NTMT1: variants seen among roughly 807,000 people sequenced by gnomAD.
NTMT1 encodes the protein N-terminal RCC1 methyltransferase.
Under a neutral mutation model 17.5 loss-of-function variants are expected in NTMT1, and 8 were observed. The ratio of observed to expected loss-of-function variants is 0.46; its 90% CI spans 0.27 to 0.82. The LOEUF (loss-of-function observed/expected upper bound fraction) is 0.82, where lower values mean the gene tolerates loss of function less well. Ranked by LOEUF, NTMT1 falls within the 40% of genes least tolerant of loss-of-function variation. NTMT1 has a pLI of 0.15. For missense variants in NTMT1, 221 were observed against 303.5 expected (o/e 0.73, Z 2.02); for synonymous variants, 128 against 126.8 (o/e 1.01, Z -0.06).
chr9:129,610,219 GGGGAAAGGGGGAGGGAGA>G (rs1830079744), intron 1 of NTMT1, among the ~76,000 whole-genome samples: 4 of 45,960 alleles, frequency 8.7e-5, no homozygotes, highest in South Asian at 6.8e-4. Flanking sequence ...GGGAGGGGGA[GGGGAAAGGGGGAGGGAGA>G]GGGGAAAGGG....
rs369018409 is a variant in NTMT1, at chr9:129,632,721, A to G, written c.18A>G (p.Ile6Met). The G allele has an allele frequency of 6.2e-7, 1 of 1,613,952 alleles. No individual in the cohort carries two copies. Among genetic ancestry groups the G allele is most frequent in the African/African-American group, 1.3e-5 (1 of 74,930 alleles). Reference sequence around the variant, plus strand: ...GTGACAGCATGACGAGCGAGGTGATAGAAGACGAGAAGCAATTCTATTCCA... The same window carrying G: ...GTGACAGCATGACGAGCGAGGTGATGGAAGACGAGAAGCAATTCTATTCCA... MTSEV[I>M]EDEKQFYSKA... Residue 6 changes from isoleucine (I) to methionine (M), a missense_variant, in exon 2 of 4, where the codon ATA becomes ATG. Ile to Met is a conservative substitution (Grantham distance 10). Coordinates refer to ENST00000372483, the MANE Select transcript of NTMT1 (RefSeq NM_014064.4).
In NTMT1 at chr9:129,634,162, G is replaced by A. The variant is rs376823712; in HGVS notation, c.271G>A (p.Asp91Asn). 5.6e-6 allele frequency: 9 copies of A among 1,614,170 alleles called. No homozygotes were observed. Among genetic ancestry groups the A allele is most frequent in the Non-Finnish European group, 7.6e-6 (9 of 1,180,022 alleles). Residue 91 changes from aspartate to asparagine, a missense_variant, in exon 3 of 4, where the codon GAC (aspartate) becomes AAC (asparagine). Coordinates refer to ENST00000372483, the MANE Select transcript of NTMT1 (RefSeq NM_014064.4). ...LPLFREVDMV[D>N]ITEDFLVQAK... ...GCTGTTCAGAGAGGTGGATATGGTC[G>A]ACATAACGGAGGACTTCCTGGTTCA...
chr9:129,619,836 G>A (rs765571905), intron 1 of NTMT1: 17 of 1,613,976 alleles, frequency 1.1e-5, no homozygotes, highest in Non-Finnish European at 1.4e-5. Flanking sequence ...GGATGCTGGA[G>A]CCAGGAGGAA....
chr9:129,612,457 A>C, intron 1 of NTMT1: 1 of 1,609,354 alleles, frequency 6.2e-7, no homozygotes, highest in Non-Finnish European at 8.5e-7. Context: ...AGGGACTCCT[A>C]GAGTGAGACA....
Position 129,635,455 on chromosome 9 carries a change from CCT to C in NTMT1, c.664_665del (p.Leu222GlufsTer70). The C allele has an allele frequency of 1.2e-6, 2 of 1,608,616 alleles. No individual in the cohort carries two copies. Among genetic ancestry groups the C allele is most frequent in the Non-Finnish European group, 1.7e-6 (2 of 1,176,280 alleles). ...AGATCTACCATGTCTATAGCTTTGC[CCT>C]GAGATGAGCCGGGGCTGGCAGGAGA... ...DEIYHVYSFA[L>X]R is the part of the protein sequence containing the mutation. On this transcript the variant is annotated frameshift_variant, in exon 4 of 4. Coordinates refer to ENST00000372483, the MANE Select transcript of NTMT1 (RefSeq NM_014064.4). LOFTEE classifies it high-confidence loss of function.
upstream of NTMT1, among the ~76,000 whole-genome samples, chr9:129,622,424 C>T (rs1225733223): frequency 2.0e-5 from 3 of 152,120 alleles, no homozygotes; most frequent in East Asian, 1.9e-4. Flanking sequence ...CCCTGGGAGG[C>T]GGAGGTTGCA....
At chr9:129,621,724 C>T (rs1358484331), upstream of NTMT1, among the ~76,000 whole-genome samples, 2 of 152,086 alleles carry the variant, frequency 1.3e-5, no homozygotes, top group East Asian at 3.9e-4. Flanking sequence ...AGTCTTACTC[C>T]CAGCTCTGAC....
intron 1 of NTMT1, chr9:129,619,384 G>T: frequency 7.2e-6 from 5 of 694,128 alleles, no homozygotes; most frequent in Non-Finnish European, 1.2e-5. Flanking sequence ...CTGATTCACG[G>T]ACAGCCATAT....
At chr9:129,633,009 G>A in intron 2 of NTMT1, 144 bp downstream of exon 2, 1 of 865,230 alleles carries the variant, frequency 1.2e-6, no homozygotes. Flanking sequence ...TTGAGGAGCT[G>A]GGCTGGGTGG....
intron 3 of NTMT1, 164 bp from the exon 4 acceptor site, chr9:129,635,044 T>C (rs1831448703): frequency 6.6e-6 from 5 of 762,332 alleles, no homozygotes; most frequent in Admixed American, 2.6e-5. Context: ...ATTCTATGAA[T>C]TGGGGTTTAG....
chr9:129,629,423 C>T (rs929093082), intron 1 of NTMT1, among the ~76,000 whole-genome samples: 2 of 151,920 alleles, frequency 1.3e-5, no homozygotes, highest in African/African-American at 4.8e-5. Context: ...CAATGTCTCA[C>T]TCTGTTGCCC....
At chr9:129,621,078 A>G (rs1830686192) in intron 1 of NTMT1, among the ~76,000 whole-genome samples, 1 of 152,266 alleles carries the variant, frequency 6.6e-6, no homozygotes, top group South Asian at 2.1e-4. Flanking sequence ...GTGAAACGGC[A>G]TCACCGCATC....
chr9:129,614,921 G>GAAAAA lies in NTMT1; in HGVS notation c.-55+5747_-55+5748insAAAAA, dbSNP rs1370787982. Reference sequence around the variant, plus strand: ...CGTATCAGAAAAAAAAAAAGAAAAAGAAAACTCACTGGGAACTGCAAAACA... The same window carrying GAAAAA: ...CGTATCAGAAAAAAAAAAAGAAAAAGAAAAAAAAACTCACTGGGAACTGCAAAACA... On this transcript the variant is annotated intron_variant, in intron 1 of 3. Coordinates refer to the NTMT1 transcript ENST00000372486. The surrounding 1 kb of genome is among the most constrained non-coding windows in gnomAD (Gnocchi z 4.4). 1.9e-4 allele frequency among the ~76,000 whole-genome samples: 29 copies of GAAAAA among 151,852 alleles called. No individual in the cohort carries two copies. Among genetic ancestry groups the GAAAAA allele is most frequent in the Admixed American group, 1.8e-3 (27 of 15,226 alleles).
At chr9:129,615,684 C>G in intron 1 of NTMT1, 1 of 1,490,792 alleles carries the variant, frequency 6.7e-7, no homozygotes, top group South Asian at 1.3e-5. Context: ...TCGAAGCCCC[C>G]CACCGTACCC....
Position 129,620,014 on chromosome 9 carries a change from A to T in NTMT1, c.-55+10836A>T. The T allele has an allele frequency of 6.9e-7, 1 of 1,448,668 alleles. No homozygotes were observed. The highest frequency in any genetic ancestry group is 9.1e-7 in the Non-Finnish European group (1 of 1,093,854). 89.7% of individuals were successfully genotyped at this position (1,448,668 alleles called of 1,614,324 possible). A position where few individuals can be genotyped will look rare whatever the true frequency, so the allele number is the denominator to read the frequency against. On this transcript the variant is annotated intron_variant, in intron 1 of 3. Transcript: ENST00000372486. This position sits in a 1 kb window ranked among gnomAD's most constrained non-coding sequence, Gnocchi z 5.8. ...GGTGGGTGCGGGGACACAAGGGACC[A>T]CCCCCCACCGGAAATGACTCGGGCC...
At chr9:129,609,000 G>A (rs1051076792) in exon 1 of NTMT1, 1 of 152,386 alleles carries the variant, frequency 6.6e-6, no homozygotes, top group Admixed American at 6.5e-5. Flanking sequence ...CCAACACCTG[G>A]TCACTGTGTG....
chr9:129,617,607 C>A (rs1441918833), intron 1 of NTMT1, among the ~76,000 whole-genome samples: 1 of 152,212 alleles, frequency 6.6e-6, no homozygotes, highest in Non-Finnish European at 1.5e-5. Context: ...TTATTTGTAT[C>A]TTGTGAGAAG....
chr9:129,620,511 C>G lies in NTMT1; in HGVS notation c.-55+11333C>G, dbSNP rs56148509. ...GGGTCGCTGCTGCGTCGGAAGTCTCCGTCGCCAGGGAGCCCCTTGGGCGCC... is the reference window on the plus strand; with the variant it reads ...GGGTCGCTGCTGCGTCGGAAGTCTCGGTCGCCAGGGAGCCCCTTGGGCGCC... On this transcript the variant is annotated intron_variant, in intron 1 of 3. Transcript: ENST00000372486. This position sits in a 1 kb window ranked among gnomAD's most constrained non-coding sequence, Gnocchi z 5.8. The G allele has an allele frequency of 3.5e-6, 5 of 1,438,594 alleles. No homozygotes were observed. The highest frequency in any genetic ancestry group is 4.6e-6 in the Non-Finnish European group (5 of 1,094,092). The allele number at this position is 1,438,594 out of a possible 1,614,324, so 89.1% of individuals were successfully genotyped here.
In NTMT1 at chr9:129,614,672, G is replaced by T. The variant is rs1588112108; in HGVS notation, c.-55+5494G>T. On this transcript the variant is annotated intron_variant, in intron 1 of 3. Transcript: ENST00000372486. This position sits in a 1 kb window ranked among gnomAD's most constrained non-coding sequence, Gnocchi z 4.4. ...TAATCCCAGCACTTTGGGAGGCAGA[G>T]GCAGGTGGATCCCTGAGGTCAGGAG... Among the ~76,000 whole-genome samples, 1 of 152,328 alleles carries T rather than the reference G, an allele frequency of 6.6e-6. No individual in the cohort carries two copies. The highest frequency in any genetic ancestry group is 1.9e-4 in the East Asian group (1 of 5,176).
Sources: allele counts gnomAD v4.1 joint callset (sites outside exome capture counted in the v4.1 genomes callset), GRCh38; gene constraint gnomAD v4.1.1; non-coding constraint Gnocchi (gnomAD v3.1); transcripts MANE v1.5; gene names NCBI Gene and HGNC (gene_info 2026-07-23, HGNC 2026-07-21).